Variants in CALD1 observed in about 807,000 individuals in gnomAD.
The protein encoded by CALD1 is caldesmon.
CALD1 carries 33 observed loss-of-function variants against 99.9 expected under a neutral mutation model. The observed-to-expected ratio is 0.33, with a 90% CI of 0.25 to 0.44. The LOEUF (loss-of-function observed/expected upper bound fraction) is 0.44, where lower values mean the gene tolerates loss of function less well. CALD1 is among the 20% of genes least tolerant of loss of function. CALD1 has a pLI of 1.00. For synonymous variants in CALD1, 310 were observed against 325.0 expected (o/e 0.95, Z 0.50); for missense variants, 861 against 962.1 (o/e 0.89, Z 1.39).
rs200797406 is a variant in CALD1, at chr7:134,960,603, A to G, written c.2270A>G (p.Asn757Ser). The part of the protein sequence containing the change: ...NEWLTKTPDG[N>S]KSPAPKPSDL... ...TGGCTAACTAAAACCCCAGATGGAA[A>G]CAAGTCACCTGCTCCCAAACCTTCT... is the stretch of plus-strand genomic sequence containing the variant. The change falls in exon 13 of 15, where the codon AAC becomes AGC. Residue 757 changes from asparagine to serine, a missense_variant. Coordinates refer to ENST00000361675, the MANE Select transcript of CALD1 (RefSeq NM_033138.4). The G allele has an allele frequency of 3.0e-5, 49 of 1,612,328 alleles. No individual in the cohort carries two copies. Among genetic ancestry groups the G allele is most frequent in the Admixed American group, 8.3e-5 (5 of 59,990 alleles).
chr7:134,777,800 A>G (rs1470996760), upstream of CALD1, among the ~76,000 whole-genome samples: 2 of 152,200 alleles, frequency 1.3e-5, no homozygotes, highest in Non-Finnish European at 2.9e-5. Context: ...CAATATGTTC[A>G]AGCCCAGCAG....
At chr7:134,791,272 C>T (rs1454413848) in intron 1 of CALD1, among the ~76,000 whole-genome samples, 1 of 152,230 alleles carries the variant, frequency 6.6e-6, no homozygotes, top group Non-Finnish European at 1.5e-5. Flanking sequence ...TCTCGGCTCA[C>T]TGCAACCTCT....
intron 3 of CALD1, among the ~76,000 whole-genome samples, chr7:134,913,200 AG>A (rs1281024085): frequency 2.0e-5 from 3 of 152,142 alleles, no homozygotes; most frequent in Non-Finnish European, 4.4e-5. Flanking sequence ...AGGGACGTGG[AG>A]GTTGCAGTGA....
chr7:134,897,008 C>A (rs1802620476), intron 3 of CALD1, among the ~76,000 whole-genome samples: 1 of 152,146 alleles, frequency 6.6e-6, no homozygotes. Context: ...GTTTCAAAAG[C>A]CAATTTACAA....
At chr7:134,878,125 A>G (rs1187849836) in intron 3 of CALD1, among the ~76,000 whole-genome samples, 1 of 152,172 alleles carries the variant, frequency 6.6e-6, no homozygotes, top group Non-Finnish European at 1.5e-5. Flanking sequence ...TTATTTTAAA[A>G]TAAAATTTGA....
intron 1 of CALD1, among the ~76,000 whole-genome samples, chr7:134,752,770 G>A (rs1211807964): frequency 1.3e-5 from 2 of 152,106 alleles, no homozygotes; most frequent in Non-Finnish European, 2.9e-5. Flanking sequence ...GGAGGCCGAG[G>A]CGGGCAGATC....
chr7:134,957,952 C>A (rs1365631784), intron 9 of CALD1, 117 bp from the exon 10 acceptor site: 2 of 741,116 alleles, frequency 2.7e-6, no homozygotes, highest in Non-Finnish European at 2.4e-6. Flanking sequence ...AACTCAAATA[C>A]CCTTATATGC....
intron 2 of CALD1, among the ~76,000 whole-genome samples, chr7:134,850,944 C>CT (rs1472198670): frequency 3.3e-5 from 5 of 152,172 alleles, no homozygotes; most frequent in Admixed American, 6.5e-5. Flanking sequence ...CATGCTCTCT[C>CT]TAGCCTGCTG....
chr7:134,775,902 A>G (rs1796915146), upstream of CALD1, among the ~76,000 whole-genome samples: 1 of 152,162 alleles, frequency 6.6e-6, no homozygotes. Flanking sequence ...GGTAATGAAC[A>G]CTTTTTGTTA....
At position 134,933,550 on chromosome 7, in the gene CALD1, G is replaced by T; in HGVS notation, c.781G>T (p.Asp261Tyr). ...CCATCATGAAAAGATGGAAGAGGAAGACAAGGAAAGAGCTGAGGCAGAGAG... is the reference window on the plus strand; with the variant it reads ...CCATCATGAAAAGATGGAAGAGGAATACAAGGAAAGAGCTGAGGCAGAGAG... ...ISHHEKMEEE[D>Y]KERAEAERAR... Residue 261 changes from aspartate (D) to tyrosine (Y), a missense_variant, in exon 5 of 15, where the codon GAC becomes TAC. Around this residue, in one of 5 missense-constraint regions of CALD1, gnomAD observed 234 missense variants for 233.1 expected, o/e 1.00. Transcript: ENST00000361675. 6.2e-7 allele frequency: 1 copy of T among 1,613,766 alleles called. No individual in the cohort carries two copies. The highest frequency in any genetic ancestry group is 1.1e-5 in the South Asian group (1 of 90,958).
intron 9 of CALD1, among the ~76,000 whole-genome samples, chr7:134,955,557 A>C (rs1807698210): frequency 6.6e-6 from 1 of 152,230 alleles, no homozygotes; most frequent in African/African-American, 2.4e-5. Context: ...AGCCCTCTTC[A>C]TGGCTTGCAG....
chr7:134,875,550 T>C (rs1801306315), intron 3 of CALD1, among the ~76,000 whole-genome samples: 2 of 152,126 alleles, frequency 1.3e-5, no homozygotes. Flanking sequence ...GACAGGAGAA[T>C]TGCTTGAACC....
rs1585911601 is a variant in CALD1 at position 134,779,886 on chromosome 7, C to A, written c.-130+137C>A. On this transcript the variant is annotated intron_variant, in intron 1 of 14. Coordinates refer to ENST00000361675, the MANE Select transcript of CALD1 (RefSeq NM_033138.4). ...GCAATAAACCATGCAAACTCCCGAG[C>A]CTGACTGGGCTTCACTGCCATACGG... 1.3e-5 allele frequency: 5 copies of A among 392,302 alleles called. No individual in the cohort carries two copies. In the South Asian group the frequency reaches 5.7e-4, roughly 45 times the overall value. The allele number at this position is 392,302 out of a possible 1,614,324, so 24.3% of individuals were successfully genotyped here. A position where few individuals can be genotyped will look rare whatever the true frequency, so the allele number is the denominator to read the frequency against.
At chr7:134,798,738 C>T (rs983159124) in intron 1 of CALD1, among the ~76,000 whole-genome samples, 2 of 152,196 alleles carry the variant, frequency 1.3e-5, no homozygotes, top group African/African-American at 4.8e-5. Flanking sequence ...CCCGAGCTTC[C>T]AAGCTTTCTT....
At chr7:134,741,086 C>T (rs1444140834), upstream of CALD1, among the ~76,000 whole-genome samples, 1 of 152,162 alleles carries the variant, frequency 6.6e-6, no homozygotes, top group Non-Finnish European at 1.5e-5. Flanking sequence ...TCCTATCCCA[C>T]ATGCTATCTG....
chr7:134,856,425 G>C (rs891669525), intron 2 of CALD1, among the ~76,000 whole-genome samples: 1 of 152,116 alleles, frequency 6.6e-6, no homozygotes, highest in Non-Finnish European at 1.5e-5. Flanking sequence ...CCTCCAGAAC[G>C]GTGCCTTATG....
intron 3 of CALD1, among the ~76,000 whole-genome samples, chr7:134,905,100 G>T (rs1419841431): frequency 6.6e-6 from 1 of 152,042 alleles, no homozygotes; most frequent in Non-Finnish European, 1.5e-5. Context: ...GCGTTTCTCA[G>T]CCTTCTGTGG....
Position 134,958,307 on chromosome 7 carries a change from G to A in CALD1, c.2061+17G>A. 1.3e-6 allele frequency: 2 copies of A among 1,590,330 alleles called. No homozygotes were observed. Among genetic ancestry groups the A allele is most frequent in the Non-Finnish European group, 1.7e-6 (2 of 1,158,484 alleles). ...GCAATTGAGGTGAGAATTGTCCTCA[G>A]CGTTATGGTCCTGCTGAACAGAAAT... On this transcript the variant is annotated intron_variant, in intron 11 of 14. Coordinates refer to ENST00000361675, the MANE Select transcript of CALD1 (RefSeq NM_033138.4).
chr7:134,874,011 G>C (rs1338082671), intron 3 of CALD1, among the ~76,000 whole-genome samples: 1 of 152,152 alleles, frequency 6.6e-6, no homozygotes, highest in African/African-American at 2.4e-5. Context: ...CAAGATGAAA[G>C]GCAGGAATGC....
Sources: gnomAD v4.1 joint callset for allele counts (sites outside exome capture counted in the v4.1 genomes callset) on GRCh38, gnomAD v4.1.1 for gene constraint, gnomAD v4.1.1 regional missense constraint, MANE v1.5 for transcripts, NCBI Gene and HGNC (gene_info 2026-07-23, HGNC 2026-07-21) for gene names.